The following BABAM2 variants were observed in gnomAD, a reference collection of about 807,000 sequenced individuals.
BABAM2 encodes BRISC and BRCA1-A complex member 2.
BABAM2 carries 31 observed loss-of-function variants against 54.7 expected under a neutral mutation model. The observed-to-expected ratio is 0.57, with a 90% CI of 0.43 to 0.77. BABAM2 has a LOEUF of 0.77. Among genes scored for constraint, BABAM2 ranks in the 30% least tolerant of loss-of-function variants. The pLI is 0.00. For missense variants in BABAM2, 364 were observed against 455.8 expected (o/e 0.80, Z 1.83); for synonymous variants, 167 against 162.9 (o/e 1.03, Z -0.19).
intron 6 of BABAM2, among the ~76,000 whole-genome samples, chr2:28,090,796 C>A (rs973042100): frequency 6.6e-6 from 1 of 152,166 alleles, no homozygotes; most frequent in African/African-American, 2.4e-5. Context: ...TTGTTCTCTG[C>A]TTTAGAGGAC....
chr2:28,305,227 C>A (rs1274516802), intron 11 of BABAM2, among the ~76,000 whole-genome samples: 2 of 151,968 alleles, frequency 1.3e-5, no homozygotes, highest in African/African-American at 2.4e-5. Context: ...AAGAGGTTTT[C>A]TTTTTTTCTT....
intron 7 of BABAM2, among the ~76,000 whole-genome samples, chr2:28,219,140 G>A (rs1680169355): frequency 6.6e-6 from 1 of 152,170 alleles, no homozygotes; most frequent in Non-Finnish European, 1.5e-5. Flanking sequence ...CCAGTGGGCC[G>A]CATTCCTTTC....
At chr2:28,111,314 A>T (rs964143523) in intron 6 of BABAM2, among the ~76,000 whole-genome samples, 4 of 151,968 alleles carry the variant, frequency 2.6e-5, no homozygotes, top group South Asian at 2.1e-4. Context: ...AGAAATGTCT[A>T]TTCAAGTTCT....
At chr2:28,057,862 G>T (rs1678553460) in intron 6 of BABAM2, among the ~76,000 whole-genome samples, 1 of 152,146 alleles carries the variant, frequency 6.6e-6, no homozygotes, top group Non-Finnish European at 1.5e-5. Flanking sequence ...AAGCTAGACA[G>T]GCCAGGCACG....
At chr2:28,298,602 A>C in intron 11 of BABAM2, 111 bp downstream of exon 11, 1 of 1,336,672 alleles carries the variant, frequency 7.5e-7, no homozygotes, top group East Asian at 2.4e-5. Flanking sequence ...ATGTTTTTGT[A>C]AATAAAGTTT....
At chr2:28,172,498 G>A (rs888713114) in intron 7 of BABAM2, among the ~76,000 whole-genome samples, 1 of 152,174 alleles carries the variant, frequency 6.6e-6, no homozygotes, top group African/African-American at 2.4e-5. Context: ...CAGTGACTGG[G>A]TCAGAAGTCC....
intron 11 of BABAM2, among the ~76,000 whole-genome samples, chr2:28,301,221 T>C (rs1688085187): frequency 6.6e-6 from 1 of 152,250 alleles, no homozygotes; most frequent in Non-Finnish European, 1.5e-5. Flanking sequence ...CAGTGGAGCC[T>C]TTTGAGTGGA....
At position 28,141,211 on chromosome 2, in the gene BABAM2, A is replaced by T. The variant is rs944250701; in HGVS notation, c.680+11831A>T. Among the ~76,000 whole-genome samples, 5 of 152,138 alleles carry T rather than the reference A, an allele frequency of 3.3e-5. No individual in the cohort carries two copies. The East Asian group carries it at 7.7e-4, about 23-fold the overall frequency. On this transcript the variant is annotated intron_variant, in intron 7 of 11. Coordinates refer to ENST00000379624, the MANE Select transcript of BABAM2 (RefSeq NM_199191.3). ...CATACACATATATGTATATGTGTGT[A>T]TATATCACACACATACACACACACA... is the stretch of plus-strand genomic sequence containing the variant.
chr2:28,057,748 A>G (rs1300009771), intron 6 of BABAM2, among the ~76,000 whole-genome samples: 1 of 152,188 alleles, frequency 6.6e-6, no homozygotes, highest in Non-Finnish European at 1.5e-5. Flanking sequence ...AAAGTACAAA[A>G]TTTAGTAGGT....
chr2:27,931,947 T>C lies in BABAM2; in HGVS notation c.205+2039T>C, dbSNP rs906579401. Among the ~76,000 whole-genome samples, 9 of 152,216 alleles carry C rather than the reference T, an allele frequency of 5.9e-5. No homozygotes were observed. The East Asian group carries it at 1.5e-3, about 26-fold the overall frequency. On this transcript the variant is annotated intron_variant, in intron 3 of 11. Transcript: ENST00000379624. ...TAACTTACTGTCCGTTCTAAATCTG[T>C]AGTTGTCTTCTGTGCCTTGCCTATA...
intron 11 of BABAM2, among the ~76,000 whole-genome samples, chr2:28,311,166 C>T (rs1452604918): frequency 6.7e-6 from 1 of 149,978 alleles, no homozygotes; most frequent in African/African-American, 2.5e-5. Flanking sequence ...GAGGCTGAGG[C>T]AGGAGAATGG....
chr2:28,313,407 C>G (rs1191227123), intron 11 of BABAM2, among the ~76,000 whole-genome samples: 1 of 152,248 alleles, frequency 6.6e-6, no homozygotes, highest in Non-Finnish European at 1.5e-5. Flanking sequence ...TTTTCCCAGA[C>G]AGACAGAACC....
chr2:28,075,661 TGATA>T (rs1208128988), intron 6 of BABAM2, among the ~76,000 whole-genome samples: 5 of 152,122 alleles, frequency 3.3e-5, no homozygotes, highest in Admixed American at 3.3e-4. Flanking sequence ...TTCACAGTTT[TGATA>T]GATAATGGAA....
At chr2:27,890,407 C>T, upstream of BABAM2, 2 of 1,495,192 alleles carry the variant, frequency 1.3e-6, no homozygotes. The surrounding 1 kb of genome is among the most constrained non-coding windows in gnomAD (Gnocchi z 4.8). Context: ...GACCCCGTAA[C>T]CAGAGACGCC....
intron 10 of BABAM2, among the ~76,000 whole-genome samples, chr2:28,271,615 T>A (rs908365881): frequency 2.6e-5 from 4 of 152,192 alleles, no homozygotes; most frequent in East Asian, 1.9e-4. Context: ...CCAGAGGCAG[T>A]CTCATGATTT....
At chr2:28,029,040 T>C (rs1223303891) in intron 5 of BABAM2, among the ~76,000 whole-genome samples, 1 of 152,190 alleles carries the variant, frequency 6.6e-6, no homozygotes, top group Non-Finnish European at 1.5e-5. Flanking sequence ...GTGCTGGGAT[T>C]ATAGATGTGA....
At chr2:28,220,009 T>C (rs1447581405) in intron 7 of BABAM2, among the ~76,000 whole-genome samples, 2 of 152,222 alleles carry the variant, frequency 1.3e-5, no homozygotes, top group Non-Finnish European at 2.9e-5. Context: ...TCTCAGCACC[T>C]GGGCCTGTTT....
At chr2:28,032,089 G>A (rs1676337539) in intron 5 of BABAM2, among the ~76,000 whole-genome samples, 1 of 152,028 alleles carries the variant, frequency 6.6e-6, no homozygotes, top group Non-Finnish European at 1.5e-5. Context: ...AGTTTTTTCT[G>A]GTCCAAGTAG....
At chr2:27,936,172 C>T (rs917354623) in intron 3 of BABAM2, among the ~76,000 whole-genome samples, 3 of 152,068 alleles carry the variant, frequency 2.0e-5, no homozygotes, top group Admixed American at 6.6e-5. Flanking sequence ...CACCCACCTT[C>T]GCCTCCCAAA....
Sources: gnomAD v4.1 joint callset for allele counts (sites outside exome capture counted in the v4.1 genomes callset) on GRCh38, gnomAD v4.1.1 for gene constraint, Gnocchi (gnomAD v3.1) non-coding constraint, MANE v1.5 for transcripts, NCBI Gene and HGNC (gene_info 2026-07-23, HGNC 2026-07-21) for gene names.